Variants in IL18R1 observed in about 807,000 individuals in gnomAD.
IL18R1 encodes interleukin 18 receptor 1, also known as interleukin-18 receptor 1.
IL18R1 carries 40 observed loss-of-function variants against 48.5 expected under a neutral mutation model. That is an observed-to-expected ratio of 0.82 (90% CI 0.64 to 1.07). The LOEUF is 1.07. Ranked by LOEUF, IL18R1 falls within the 50% of genes least tolerant of loss-of-function variation. The probability of loss-of-function intolerance (pLI) is 0.00; values close to 1 mark genes in which losing one functional copy is unlikely to be tolerated. For synonymous variants in IL18R1, 232 were observed against 225.9 expected (o/e 1.03, Z -0.24); for missense variants, 596 against 633.7 (o/e 0.94, Z 0.64).
At chr2:102,361,049 CAG>C (rs904964609) in intron 1 of IL18R1, among the ~76,000 whole-genome samples, 4 of 152,112 alleles carry the variant, frequency 2.6e-5, no homozygotes, top group African/African-American at 9.7e-5. Flanking sequence ...TATTGAAACT[CAG>C]AGTTAACTTG....
Position 102,356,157 on chromosome 2 carries a change from C to A in IL18R1, c.-272C>A. On this transcript the variant is annotated 5_prime_UTR_variant, in exon 1 of 11. Coordinates refer to ENST00000233957, the MANE Select transcript of IL18R1 (RefSeq NM_003855.5). Reference sequence around the variant, plus strand: ...GGCCGGGGTTAGCAGCCAGGAGCTGCCAGACGCCTGACATTCTTCTTTCTG... The same window carrying A: ...GGCCGGGGTTAGCAGCCAGGAGCTGACAGACGCCTGACATTCTTCTTTCTG... The A allele has an allele frequency of 5.3e-6, 1 of 187,980 alleles. No homozygotes were observed. The highest frequency in any genetic ancestry group is 9.9e-6 in the Non-Finnish European group (1 of 100,690). The allele number at this position is 187,980 out of a possible 1,614,324, so 11.6% of individuals were successfully genotyped here.
chr2:102,386,825 C>A, intron 7 of IL18R1, 36 bp from the exon 8 acceptor site: 1 of 1,610,540 alleles, frequency 6.2e-7, no homozygotes, highest in Non-Finnish European at 8.5e-7. Flanking sequence ...GGGTAACGAA[C>A]AGAGCCTACT....
intron 4 of IL18R1, chr2:102,373,879 A>G: frequency 2.6e-6 from 1 of 385,944 alleles, no homozygotes; most frequent in Non-Finnish European, 5.2e-6. Context: ...TCTATGTTGC[A>G]TGCTCCTTAT....
Position 102,372,129 on chromosome 2 carries a change from TA to T in IL18R1, c.468+12del. On this transcript the variant is annotated intron_variant, in intron 4 of 10. Coordinates refer to ENST00000233957, the MANE Select transcript of IL18R1 (RefSeq NM_003855.5). ...ACATCATTGTATAAGGTAATGCTTT[TA>T]TAATATTTTAACTTTAAGACTTGAT... The T allele has an allele frequency of 6.4e-7, 1 of 1,559,558 alleles. No homozygotes were observed. The highest frequency in any genetic ancestry group is 8.6e-7 in the Non-Finnish European group (1 of 1,157,004).
At chr2:102,360,911 A>T (rs1678538242) in intron 1 of IL18R1, among the ~76,000 whole-genome samples, 1 of 152,186 alleles carries the variant, frequency 6.6e-6, no homozygotes. Flanking sequence ...ATTTAATATA[A>T]CCTTAATCTG....
intron 4 of IL18R1, among the ~76,000 whole-genome samples, chr2:102,375,274 G>A (rs1482247226): frequency 6.6e-6 from 1 of 152,178 alleles, no homozygotes; most frequent in Non-Finnish European, 1.5e-5. Flanking sequence ...TGAAGAAAGT[G>A]GCTTTATTAC....
chr2:102,373,711 CCCAT>C (rs1679403291), intron 4 of IL18R1, among the ~76,000 whole-genome samples: 1 of 152,096 alleles, frequency 6.6e-6, no homozygotes, highest in Non-Finnish European at 1.5e-5. Context: ...CATACGCACT[CCCAT>C]CCACACACAT....
chr2:102,361,978 A>G (rs550508985), intron 1 of IL18R1, among the ~76,000 whole-genome samples: 29 of 152,174 alleles, frequency 1.9e-4, no homozygotes, highest in Non-Finnish European at 3.5e-4. Context: ...AAGTAAACTC[A>G]TATGGGCAGC....
At chr2:102,366,388 T>C (rs530173429) in intron 2 of IL18R1, among the ~76,000 whole-genome samples, 1 of 152,342 alleles carries the variant, frequency 6.6e-6, no homozygotes, top group East Asian at 1.9e-4. Flanking sequence ...CTGGACTTTA[T>C]TGTCCATAAC....
At chr2:102,370,404 T>C (rs778325192) in intron 3 of IL18R1, among the ~76,000 whole-genome samples, 16 of 152,152 alleles carry the variant, frequency 1.1e-4, no homozygotes, top group Non-Finnish European at 2.1e-4. Context: ...GAGGTCAAAG[T>C]TGGGGAGACA....
chr2:102,357,679 T>C (rs549563687), intron 1 of IL18R1, among the ~76,000 whole-genome samples: 327 of 151,958 alleles, frequency 2.2e-3, no homozygotes, highest in Non-Finnish European at 3.3e-3. Context: ...CTGAGCCAAG[T>C]TGAAAGGACT....
At chr2:102,357,842 C>G (rs1316535162) in intron 1 of IL18R1, among the ~76,000 whole-genome samples, 1 of 152,068 alleles carries the variant, frequency 6.6e-6, no homozygotes, top group Non-Finnish European at 1.5e-5. Context: ...GATGAGAAGC[C>G]AGATTCCACA....
Position 102,375,040 on chromosome 2 carries a change from G to A in IL18R1, c.469-867G>A, listed in dbSNP as rs188222713. On this transcript the variant is annotated intron_variant, in intron 4 of 10. Transcript: ENST00000233957. The stretch of plus-strand genomic sequence containing the variant: ...ACTTATACATAAATAATTTACTGAC[G>A]TGAGGTACACATGTGGGTGCTTCAC... Among the ~76,000 whole-genome samples the A allele has an allele frequency of 2.5e-3, 386 of 152,266 alleles. 3 individuals are homozygous for A. The highest frequency in any genetic ancestry group is 8.6e-3 in the African/African-American group (359 of 41,542).
intron 6 of IL18R1, among the ~76,000 whole-genome samples, chr2:102,383,171 C>T (rs1030980620): frequency 6.6e-6 from 1 of 152,146 alleles, no homozygotes; most frequent in Non-Finnish European, 1.5e-5. Context: ...TCATTTCAAC[C>T]TTTTGGAATT....
At chr2:102,391,497 G>A (rs1412806859) in intron 9 of IL18R1, among the ~76,000 whole-genome samples, 3 of 152,138 alleles carry the variant, frequency 2.0e-5, no homozygotes, top group African/African-American at 7.2e-5. Flanking sequence ...CCTTTTGATG[G>A]ACATTTGGCT....
intron 3 of IL18R1, among the ~76,000 whole-genome samples, chr2:102,371,309 G>T (rs762353095): frequency 1.4e-4 from 21 of 152,252 alleles, no homozygotes; most frequent in Non-Finnish European, 2.9e-4. Context: ...ACAGGTGTGA[G>T]CCACTGCACC....
chr2:102,384,802 A>G, intron 6 of IL18R1, 76 bp from the exon 7 acceptor site: 1 of 1,546,918 alleles, frequency 6.5e-7, no homozygotes, highest in Non-Finnish European at 8.8e-7. Context: ...GTTAACATAC[A>G]TTGATTATAT....
Position 102,394,462 on chromosome 2 carries a change from C to A in IL18R1, c.1112-7C>A. On this transcript the variant is annotated splice_region_variant and splice_polypyrimidine_tract_variant and intron_variant, in intron 9 of 10. Coordinates refer to ENST00000233957, the MANE Select transcript of IL18R1 (RefSeq NM_003855.5). ...CATGAATTAAAAGAGCCAATCTTAC[C>A]TCCTAGATGGAAAAACATATGATGC... 1 of 1,599,796 alleles carries A rather than the reference C, an allele frequency of 6.3e-7. No individual in the cohort carries two copies. Among genetic ancestry groups the A allele is most frequent in the Non-Finnish European group, 8.5e-7 (1 of 1,171,906 alleles).
Position 102,397,716 on chromosome 2 carries a change from C to G in IL18R1, c.*830C>G, listed in dbSNP as rs1312378671. 1 of 152,330 alleles carries G rather than the reference C, an allele frequency of 6.6e-6. No homozygotes were observed. Among genetic ancestry groups the G allele is most frequent in the African/African-American group, 2.4e-5 (1 of 41,466 alleles). The allele number at this position is 152,330 out of a possible 1,614,324, so 9.4% of individuals were successfully genotyped here. A position where few individuals can be genotyped will look rare whatever the true frequency, so the allele number is the denominator to read the frequency against. On this transcript the variant is annotated 3_prime_UTR_variant, in exon 11 of 11. Coordinates refer to ENST00000233957, the MANE Select transcript of IL18R1 (RefSeq NM_003855.5). ...TTGAATAGCAAAAAACTGATAGTTA[C>G]TTGCTTGTTTTTTAAAAATTACATA... is the stretch of plus-strand genomic sequence containing the variant.
Sources: allele counts gnomAD v4.1 joint callset (sites outside exome capture counted in the v4.1 genomes callset), GRCh38; gene constraint gnomAD v4.1.1; transcripts MANE v1.5; gene names NCBI Gene and HGNC (gene_info 2026-07-23, HGNC 2026-07-21).